APLP2: variants seen among roughly 807,000 people sequenced by gnomAD.
The protein encoded by APLP2 is amyloid beta precursor like protein 2.
APLP2 carries 53 observed loss-of-function variants against 89.9 expected under a neutral mutation model. The ratio of observed to expected loss-of-function variants is 0.59; its 90% CI spans 0.47 to 0.74. The LOEUF is 0.74. Ranked by LOEUF, APLP2 falls within the 30% of genes least tolerant of loss-of-function variation. The probability of loss-of-function intolerance (pLI) is 0.00; values close to 1 mark genes in which losing one functional copy is unlikely to be tolerated. For synonymous variants in APLP2, 372 were observed against 348.6 expected (o/e 1.07, Z -0.75); for missense variants, 973 against 975.9 (o/e 1.00, Z 0.04).
Position 130,142,086 on chromosome 11 carries a change from G to C in APLP2, c.2154+12G>C, listed in dbSNP as rs1394766693. ...ACGGGATCGTGGAGGTGAGGAGCTGGGCTGCTGAGGGCCTGCTCTGCACTG... is the reference window on the plus strand; with the variant it reads ...ACGGGATCGTGGAGGTGAGGAGCTGCGCTGCTGAGGGCCTGCTCTGCACTG... On this transcript the variant is annotated intron_variant, in intron 16 of 16. Coordinates refer to ENST00000338167, the MANE Select transcript of APLP2 (RefSeq NM_001142276.2). The C allele has an allele frequency of 4.4e-6, 7 of 1,607,750 alleles. No individual in the cohort carries two copies. Among genetic ancestry groups the C allele is most frequent in the Non-Finnish European group, 5.9e-6 (7 of 1,177,478 alleles).
rs774140632 is a variant in APLP2 at position 130,141,988 on chromosome 11, G to A, written c.2068G>A (p.Ala690Thr). The A allele has an allele frequency of 1.6e-5, 26 of 1,613,920 alleles. No individual in the cohort carries two copies. The highest frequency in any genetic ancestry group is 1.9e-5 in the Non-Finnish European group (23 of 1,180,004). The change falls in exon 16 of 17, where the codon GCA (alanine) becomes ACA (threonine). Residue 690 changes from alanine to threonine, a missense_variant. Ala to Thr is a moderately conservative substitution (Grantham distance 58). Transcript: ENST00000338167. This position sits in a 1 kb window ranked among gnomAD's most constrained non-coding sequence, Gnocchi z 4.2. ...TGCTCTCATTGGCCTGCTGGTCATC[G>A]CAGTGGCCATTGCCACGGTCATCGT... The part of the protein sequence containing the change: ...SSALIGLLVI[A>T]VAIATVIVIS...
intron 1 of APLP2, among the ~76,000 whole-genome samples, chr11:130,091,568 C>A (rs9667468): frequency 6.0e-5 from 4 of 66,666 alleles, no homozygotes; most frequent in Admixed American, 1.6e-4. Context: ...CCCTCCCGGA[C>A]GGGGCGGCTG....
intron 3 of APLP2, among the ~76,000 whole-genome samples, chr11:130,112,902 G>C (rs145035045): frequency 6.6e-6 from 1 of 152,130 alleles, no homozygotes; most frequent in African/African-American, 2.4e-5. Flanking sequence ...CAGGGTGGTC[G>C]TGCACCATCC....
chr11:130,074,265 G>A (rs1329147988), intron 1 of APLP2, among the ~76,000 whole-genome samples: 1 of 152,084 alleles, frequency 6.6e-6, no homozygotes, highest in Non-Finnish European at 1.5e-5. Context: ...GCCCAGGCTG[G>A]AGTGCACTGG....
At position 130,121,695 on chromosome 11, in the gene APLP2, TA is replaced by T; in HGVS notation, c.599del (p.Tyr200LeufsTer116). On this transcript the variant is annotated frameshift_variant, in exon 5 of 17. Transcript: ENST00000338167. LOFTEE classifies it high-confidence loss of function. ...GGTAGACCAGTTCCATGGCACTGAATATGTGTGCTGCCCTCAGACAAAGATT... is the reference window on the plus strand; with the variant it reads ...GGTAGACCAGTTCCATGGCACTGAATTGTGTGCTGCCCTCAGACAAAGATT... ...CGVDQFHGTE[Y>X]VCCPQTKIIG... is the part of the protein sequence containing the mutation. 6.2e-7 allele frequency: 1 copy of T among 1,614,068 alleles called. No individual in the cohort carries two copies. The highest frequency in any genetic ancestry group is 8.5e-7 in the Non-Finnish European group (1 of 1,180,022).
chr11:130,123,176 C>T lies in APLP2; in HGVS notation c.923-436C>T, dbSNP rs1160172949. 6.6e-6 allele frequency among the ~76,000 whole-genome samples: 1 copy of T among 152,164 alleles called. No individual in the cohort carries two copies. The highest frequency in any genetic ancestry group is 2.4e-5 in the African/African-American group (1 of 41,436). On this transcript the variant is annotated intron_variant, in intron 6 of 16. Coordinates refer to ENST00000338167, the MANE Select transcript of APLP2 (RefSeq NM_001142276.2). The surrounding 1 kb of genome is among the most constrained non-coding windows in gnomAD (Gnocchi z 4.0). ...GAAGTTTGTGATTTGCCTTAGAGAA[C>T]ATAAAAGTGGGAAACAATTGTCCGT...
chr11:130,109,650 G>C, intron 2 of APLP2, 48 bp downstream of exon 2: 1 of 1,559,296 alleles, frequency 6.4e-7, no homozygotes, highest in East Asian at 2.3e-5. Flanking sequence ...CTGGGGCAGG[G>C]TTGAATCTGT....
chr11:130,090,247 C>CTTTTTTTTTTTTTTTTTTTTTTATTTT (rs539249012), intron 1 of APLP2, among the ~76,000 whole-genome samples: 2 of 86,110 alleles, frequency 2.3e-5, no homozygotes, highest in Non-Finnish European at 4.9e-5. Context: ...CTAGCTCTGT[C>CTTTTTTTTTTTTTTTTTTTTTTATTTT]TTTTTTTTTT....
chr11:130,143,577 G>A lies in APLP2; in HGVS notation c.*129G>A, dbSNP rs1307487370. The A allele has an allele frequency of 2.7e-6, 2 of 729,266 alleles. No homozygotes were observed. The highest frequency in any genetic ancestry group is 2.6e-5 in the East Asian group (1 of 37,940). 45.2% of individuals were successfully genotyped at this position (729,266 alleles called of 1,614,324 possible). On this transcript the variant is annotated 3_prime_UTR_variant, in exon 17 of 17. Transcript: ENST00000338167. ...TGACATCCTGACCTCCTGGACTGTA[G>A]GACTATATAAAGTACTACTGTAGAA...
At chr11:130,101,845 A>G (rs1277332666) in intron 1 of APLP2, 2 of 433,892 alleles carry the variant, frequency 4.6e-6, no homozygotes, top group Non-Finnish European at 9.2e-6. Flanking sequence ...TAATTGCTGC[A>G]GTTTTTCCAC....
At chr11:130,129,370 G>T (rs745423767) in intron 10 of APLP2, among the ~76,000 whole-genome samples, 164 bp downstream of exon 10, 1 of 152,202 alleles carries the variant, frequency 6.6e-6, no homozygotes, top group African/African-American at 2.4e-5. Flanking sequence ...TAATATCTGT[G>T]TATATAAGCT....
rs748152877 is a variant in APLP2 at position 130,127,775 on chromosome 11, G to T, written c.1231G>T (p.Glu411Ter). Residue 411 changes from glutamate to a stop codon, truncating the protein, a stop_gained, in exon 9 of 17, where the codon GAA becomes TAA. Coordinates refer to ENST00000338167, the MANE Select transcript of APLP2 (RefSeq NM_001142276.2). LOFTEE classifies it high-confidence loss of function. The stretch of plus-strand genomic sequence containing the variant: ...TTGACCTTTGTTCTAGGTAAAGAAG[G>T]AATGGGAAGAGGCAGAGCTTCAAGC... Reference protein sequence around the residue: ...HRNRMDRVKKEWEEAELQAKN... With the variant: ...HRNRMDRVKK The T allele has an allele frequency of 6.2e-7, 1 of 1,614,154 alleles. No individual in the cohort carries two copies. The highest frequency in any genetic ancestry group is 1.1e-5 in the South Asian group (1 of 91,076).
chr11:130,138,497 G>A (rs879399982), intron 13 of APLP2, among the ~76,000 whole-genome samples: 2 of 151,580 alleles, frequency 1.3e-5, no homozygotes, highest in Non-Finnish European at 2.9e-5. Context: ...ATTAACTTTG[G>A]TGTCTTGAAG....
intron 1 of APLP2, among the ~76,000 whole-genome samples, chr11:130,100,793 C>T (rs1012524803): frequency 5.3e-5 from 8 of 152,252 alleles, no homozygotes; most frequent in Middle Eastern, 3.4e-3. Flanking sequence ...TTGGAGTTTT[C>T]CCCCTACACC....
intron 10 of APLP2, 143 bp downstream of exon 10, chr11:130,129,349 G>GTATTACA: frequency 1.0e-6 from 1 of 977,030 alleles, no homozygotes; most frequent in South Asian, 1.7e-5. Flanking sequence ...GGAGGAAAAG[G>GTATTACA]TATTACATTC....
At chr11:130,115,738 A>G (rs1486110271) in intron 3 of APLP2, among the ~76,000 whole-genome samples, 1 of 152,240 alleles carries the variant, frequency 6.6e-6, no homozygotes, top group Non-Finnish European at 1.5e-5. Context: ...ACAGAGTAAT[A>G]CTGATCTGCC....
chr11:130,136,370 G>A (rs1256359743), intron 13 of APLP2, among the ~76,000 whole-genome samples: 1 of 152,202 alleles, frequency 6.6e-6, no homozygotes, highest in Non-Finnish European at 1.5e-5. Flanking sequence ...TTATATGCCA[G>A]CTTTAGCTAA....
chr11:130,126,421 T>C (rs960468515), intron 7 of APLP2, among the ~76,000 whole-genome samples: 5 of 152,328 alleles, frequency 3.3e-5, no homozygotes, highest in Admixed American at 2.6e-4. Flanking sequence ...AGAAACCACC[T>C]CTTTTTCAGC....
chr11:130,135,802 A>C, intron 13 of APLP2, 87 bp downstream of exon 13: 1 of 1,507,958 alleles, frequency 6.6e-7, no homozygotes, highest in Non-Finnish European at 9.1e-7. Flanking sequence ...AACCAAATTG[A>C]GTTGGGAGAT....
Sources: gnomAD v4.1 joint callset for allele counts (sites outside exome capture counted in the v4.1 genomes callset) on GRCh38, gnomAD v4.1.1 for gene constraint, Gnocchi (gnomAD v3.1) non-coding constraint, MANE v1.5 for transcripts, NCBI Gene and HGNC (gene_info 2026-07-23, HGNC 2026-07-21) for gene names.